Variants in COL28A1 observed in about 807,000 individuals in gnomAD.
The protein encoded by COL28A1 is collagen type XXVIII alpha 1 chain.
A neutral mutation model predicts 150.2 loss-of-function variants in COL28A1; 161 were observed. That is an observed-to-expected ratio of 1.07 (90% CI 0.94 to 1.22). The LOEUF is 1.22. COL28A1 is among the 50% of genes most tolerant of loss of function. The pLI is 0.00. For missense variants in COL28A1, 1,617 were observed against 1,388.3 expected (o/e 1.16, Z -2.62); for synonymous variants, 552 against 469.7 (o/e 1.18, Z -2.26).
intron 27 of COL28A1, among the ~76,000 whole-genome samples, chr7:7,399,137 T>C (rs2159711): frequency 0.94 from 143,442 of 152,206 alleles, 67,647 homozygotes; most frequent in East Asian, 1. Context: ...AAATACACCT[T>C]AGCCACATCT....
chr7:7,420,102 T>A lies in COL28A1; in HGVS notation c.1999-149A>T, dbSNP rs12671201. 2,882 of 431,464 alleles carry A rather than the reference T, an allele frequency of 6.7e-3. 25 individuals are homozygous for A. The highest frequency in any genetic ancestry group is 0.029 in the East Asian group (822 of 27,968). 26.7% of individuals were successfully genotyped at this position (431,464 alleles called of 1,614,324 possible). A position where few individuals can be genotyped will look rare whatever the true frequency, so the allele number is the denominator to read the frequency against. The stretch of plus-strand genomic sequence containing the variant: ...CCTAGATCACTTTTCTATTACCACC[T>A]AGGCAATCTTCAAACCAACAGATCC... On this transcript the variant is annotated intron_variant, in intron 25 of 34. Coordinates refer to ENST00000399429, the MANE Select transcript of COL28A1 (RefSeq NM_001037763.3).
At chr7:7,376,376 T>A (rs1781542765) in intron 30 of COL28A1, among the ~76,000 whole-genome samples, 2 of 152,236 alleles carry the variant, frequency 1.3e-5, no homozygotes, top group Admixed American at 1.3e-4. Context: ...TGATGTAGCC[T>A]GTAACATGGC....
At chr7:7,366,003 T>C (rs897436624) in intron 33 of COL28A1, among the ~76,000 whole-genome samples, 1 of 152,152 alleles carries the variant, frequency 6.6e-6, no homozygotes, top group Non-Finnish European at 1.5e-5. Flanking sequence ...ACTGTGGCTT[T>C]CAAAAAGGGT....
At chr7:7,543,099 C>T in the COL28A1 span, among the ~76,000 whole-genome samples, 1 of 152,158 alleles carries the variant, frequency 6.6e-6, no homozygotes. Context: ...TAATAAAATA[C>T]ACAATATTCT....
Position 7,380,851 on chromosome 7 carries a change from T to A in COL28A1, c.2217A>T (p.Gly739=). The change falls in exon 29 of 35, where the codon GGA becomes GGT. Residue 739 remains glycine, a synonymous_variant. Transcript: ENST00000399429. ...HGLPGQKGEH[G]ERGDVGKKGD... is the part of the protein sequence containing the mutation. ...CTTTCTTTCCCACATCGCCCCGTTC[T>A]CCGTGCTCTCCCTTTACACAATAGG... The A allele has an allele frequency of 6.2e-7, 1 of 1,613,460 alleles. No homozygotes were observed. The highest frequency in any genetic ancestry group is 8.5e-7 in the Non-Finnish European group (1 of 1,179,410).
intron 27 of COL28A1, among the ~76,000 whole-genome samples, chr7:7,416,429 A>G (rs548900660): frequency 6.6e-6 from 1 of 152,310 alleles, no homozygotes; most frequent in African/African-American, 2.4e-5. Flanking sequence ...AGGCCTAAAG[A>G]CGTGGCAGCA....
chr7:7,361,152 G>C (rs992926040), intron 33 of COL28A1, among the ~76,000 whole-genome samples: 2 of 151,936 alleles, frequency 1.3e-5, no homozygotes, highest in Non-Finnish European at 2.9e-5. Context: ...AAATGCTGTA[G>C]GATGCTTAAC....
downstream of COL28A1, among the ~76,000 whole-genome samples, chr7:7,352,493 C>T (rs1780254030): frequency 6.6e-6 from 1 of 152,140 alleles, no homozygotes; most frequent in Non-Finnish European, 1.5e-5. Context: ...TCACATGAGT[C>T]CTTAAAAGGA....
chr7:7,381,185 G>T (rs1177402117), intron 28 of COL28A1, among the ~76,000 whole-genome samples: 1 of 152,076 alleles, frequency 6.6e-6, no homozygotes. Context: ...TACATGGTAT[G>T]TTGTAAGTAT....
chr7:7,444,524 T>C (rs776005671), intron 18 of COL28A1, 35 bp from the exon 19 acceptor site: 9 of 1,600,228 alleles, frequency 5.6e-6, no homozygotes, highest in Non-Finnish European at 7.7e-6. Context: ...TTCCCTAAAG[T>C]TCATACCTCC....
chr7:7,501,806 G>A (rs895031729), intron 11 of COL28A1, among the ~76,000 whole-genome samples: 5 of 152,180 alleles, frequency 3.3e-5, no homozygotes, highest in Non-Finnish European at 5.9e-5. Context: ...GCTGTCTCCT[G>A]AGTCACAATT....
chr7:7,527,157 A>G (rs1782071208), intron 3 of COL28A1, among the ~76,000 whole-genome samples: 1 of 152,216 alleles, frequency 6.6e-6, no homozygotes, highest in African/African-American at 2.4e-5. Flanking sequence ...TTATATTTCT[A>G]TGGAAACAAA....
chr7:7,510,415 G>C (rs1781063576), intron 9 of COL28A1, among the ~76,000 whole-genome samples: 1 of 152,116 alleles, frequency 6.6e-6, no homozygotes, highest in African/African-American at 2.4e-5. Context: ...CTCCTGAGTA[G>C]CTGGGACTAC....
At chr7:7,359,273 G>A (rs1232246994) in intron 34 of COL28A1, among the ~76,000 whole-genome samples, 1 of 130,134 alleles carries the variant, frequency 7.7e-6, no homozygotes, top group Non-Finnish European at 1.6e-5. Context: ...ACTATCAAAG[G>A]AAAACTCTTT....
At chr7:7,542,954 T>C in the COL28A1 span, among the ~76,000 whole-genome samples, 4 of 152,136 alleles carry the variant, frequency 2.6e-5, no homozygotes, top group Non-Finnish European at 5.9e-5. Context: ...AGGAGAAAGA[T>C]GGTACCCAGC....
chr7:7,536,315 A>AT (rs1404852202), upstream of COL28A1, among the ~76,000 whole-genome samples: 3 of 152,054 alleles, frequency 2.0e-5, no homozygotes, highest in Non-Finnish European at 4.4e-5. Context: ...GATTTTTGAA[A>AT]TTTTTTATAA....
downstream of COL28A1, among the ~76,000 whole-genome samples, chr7:7,355,089 T>C (rs753949083): frequency 6.6e-6 from 1 of 152,150 alleles, no homozygotes; most frequent in Non-Finnish European, 1.5e-5. Context: ...GCATTAAAAT[T>C]GAGTTTGTTA....
At chr7:7,384,015 C>A (rs1308102746) in intron 27 of COL28A1, among the ~76,000 whole-genome samples, 1 of 152,102 alleles carries the variant, frequency 6.6e-6, no homozygotes, top group Non-Finnish European at 1.5e-5. Flanking sequence ...TCTCACGGCA[C>A]ATTGGCTTGA....
intron 25 of COL28A1, among the ~76,000 whole-genome samples, chr7:7,421,012 T>C (rs1314796967): frequency 6.6e-6 from 1 of 152,172 alleles, no homozygotes; most frequent in Non-Finnish European, 1.5e-5. Flanking sequence ...AAAATAAAAA[T>C]GTATGTCCAC....
Sources: allele counts gnomAD v4.1 joint callset (sites outside exome capture counted in the v4.1 genomes callset), GRCh38; gene constraint gnomAD v4.1.1; transcripts MANE v1.5; gene names NCBI Gene and HGNC (gene_info 2026-07-23, HGNC 2026-07-21).